Variants in ZNF687 observed in about 807,000 individuals in gnomAD.
ZNF687 encodes the protein zinc finger protein 687.
In ZNF687, 13 loss-of-function variants were observed where a neutral mutation model predicts 71.8. The ratio of observed to expected loss-of-function variants is 0.18; its 90% CI spans 0.12 to 0.29. The LOEUF is 0.29. Among genes scored for constraint, ZNF687 ranks in the 10% least tolerant of loss-of-function variants. The pLI is 1.00. For synonymous variants in ZNF687, 673 were observed against 641.6 expected, an observed-to-expected ratio of 1.05 and a Z score of -0.74; for missense variants, 1,412 against 1,625.6, an observed-to-expected ratio of 0.87 and a Z score of 2.26.
At chr1:151,285,554 C>T (rs1178447634) in intron 1 of ZNF687, 2 of 152,294 alleles carry the variant, frequency 1.3e-5, no homozygotes, top group Admixed American at 1.3e-4. Flanking sequence ...GCTGGGACTA[C>T]AGGTGTGTGC....
Position 151,289,730 on chromosome 1 carries a change from G to T in ZNF687, c.2687G>T (p.Gly896Val). 1 of 1,559,526 alleles carries T rather than the reference G, an allele frequency of 6.4e-7. No individual in the cohort carries two copies. Among genetic ancestry groups the T allele is most frequent in the Non-Finnish European group, 8.7e-7 (1 of 1,151,080 alleles). Residue 896 changes from glycine (G) to valine (V), a missense_variant, in exon 6 of 9, where the codon GGT becomes GTT. Around this residue, in one of 8 missense-constraint regions of ZNF687, gnomAD observed 135 missense variants for 104.1 expected, o/e 1.30. Transcript: ENST00000336715. ...GAGACTGCTGGGAAAGGGGCCGGGGGTGCCCTGCTGACCCCCAAGACTGAG... is the reference window on the plus strand; with the variant it reads ...GAGACTGCTGGGAAAGGGGCCGGGGTTGCCCTGCTGACCCCCAAGACTGAG... ...LEETAGKGAG[G>V]ALLTPKTEPE...
chr1:151,282,514 G>T lies in ZNF687; in HGVS notation c.-18+119G>T, dbSNP rs78053585. On this transcript the variant is annotated intron_variant, in intron 1 of 8. Transcript: ENST00000336715. ...CCCCTTCTCCGCGCCGCCCCCTGGGGCGGCTTCTAGGAAGGCCCAGACACC... is the reference window on the plus strand; with the variant it reads ...CCCCTTCTCCGCGCCGCCCCCTGGGTCGGCTTCTAGGAAGGCCCAGACACC... 267 of 770,770 alleles carry T rather than the reference G, an allele frequency of 3.5e-4. 2 individuals carry two copies. The African/African-American group carries it at 4.6e-3, about 13-fold the overall frequency. 47.7% of individuals were successfully genotyped at this position (770,770 alleles called of 1,614,324 possible). A position where few individuals can be genotyped will look rare whatever the true frequency, so the allele number is the denominator to read the frequency against.
In ZNF687 at chr1:151,290,252, C is replaced by T. The variant is rs1557774582; in HGVS notation, c.3077+18C>T. The T allele has an allele frequency of 6.2e-7, 1 of 1,612,914 alleles. No homozygotes were observed. Among genetic ancestry groups the T allele is most frequent in the East Asian group, 2.2e-5 (1 of 44,880 alleles). On this transcript the variant is annotated intron_variant, in intron 7 of 8. Coordinates refer to ENST00000336715, the MANE Select transcript of ZNF687 (RefSeq NM_020832.3). Reference sequence around the variant, plus strand: ...CCCTGCAGGTAAGTCTTGCTCCCCGCTTCCTCTTCCTGCCCAGCACGTGAC... The same window carrying T: ...CCCTGCAGGTAAGTCTTGCTCCCCGTTTCCTCTTCCTGCCCAGCACGTGAC...
rs781344321 is a variant in ZNF687 at position 151,291,253 on chromosome 1, G to A, written c.*44G>A. 9 of 1,547,150 alleles carry A rather than the reference G, an allele frequency of 5.8e-6. No individual in the cohort carries two copies. In the Admixed American group the frequency reaches 1.8e-4, roughly 31 times the overall value. On this transcript the variant is annotated 3_prime_UTR_variant, in exon 9 of 9. Coordinates refer to ENST00000336715, the MANE Select transcript of ZNF687 (RefSeq NM_020832.3). ...GACCAGCCCCTTCCTCTTGGAGCCT[G>A]GTTTTCCCTACTGCTGCCTGATCCC...
chr1:151,291,506 G>GGACTT lies in ZNF687; in HGVS notation c.*298_*302dup. ...GTGTGGGCCTGGGGGTGGGAGGATG[G>GGACTT]GACTTAGGTATGCCTGCTAGACAGG... On this transcript the variant is annotated 3_prime_UTR_variant, in exon 9 of 9. Transcript: ENST00000336715. 2.8e-6 allele frequency: 1 copy of GGACTT among 355,706 alleles called. No individual in the cohort carries two copies. The highest frequency in any genetic ancestry group is 6.1e-5 in the East Asian group (1 of 16,374). The allele number at this position is 355,706 out of a possible 1,614,324, so 22.0% of individuals were successfully genotyped here.
chr1:151,291,465 T>A lies in ZNF687; in HGVS notation c.*256T>A. ...CCAACACTAATTAATTTTATGCTCCTGCTGCAGAACCCCCAGTGTGGGCCT... is the reference window on the plus strand; with the variant it reads ...CCAACACTAATTAATTTTATGCTCCAGCTGCAGAACCCCCAGTGTGGGCCT... On this transcript the variant is annotated 3_prime_UTR_variant, in exon 9 of 9. Coordinates refer to ENST00000336715, the MANE Select transcript of ZNF687 (RefSeq NM_020832.3). 1 of 428,588 alleles carries A rather than the reference T, an allele frequency of 2.3e-6. No homozygotes were observed. Among genetic ancestry groups the A allele is most frequent in the East Asian group, 4.4e-5 (1 of 22,812 alleles). 26.5% of individuals were successfully genotyped at this position (428,588 alleles called of 1,614,324 possible).
chr1:151,287,975 A>T lies in ZNF687; in HGVS notation c.1684A>T (p.Thr562Ser). 1 of 1,613,884 alleles carries T rather than the reference A, an allele frequency of 6.2e-7. No homozygotes were observed. Among genetic ancestry groups the T allele is most frequent in the Non-Finnish European group, 8.5e-7 (1 of 1,180,028 alleles). Residue 562 changes from threonine (T) to serine (S), a missense_variant, in exon 2 of 9, where the codon ACC (threonine) becomes TCC (serine). By Grantham distance (58) the Thr-to-Ser change is moderately conservative. Coordinates refer to ENST00000336715, the MANE Select transcript of ZNF687 (RefSeq NM_020832.3). The surrounding 1 kb of genome is among the most constrained non-coding windows in gnomAD (Gnocchi z 5.0). ...CCGTCGGAGCATGCGCATCGAGGTC[A>T]CCTGCAACCACTGCGCCCGCCGCCT... ...YDRRSMRIEVTCNHCARRLVF... is the reference protein window; with the variant it reads ...YDRRSMRIEVSCNHCARRLVF...
rs1276558307 is a variant in ZNF687 at position 151,291,545 on chromosome 1, T to C, written c.*336T>C. On this transcript the variant is annotated 3_prime_UTR_variant, in exon 9 of 9. Coordinates refer to ENST00000336715, the MANE Select transcript of ZNF687 (RefSeq NM_020832.3). ...CTGCTAGACAGGTTCAGGGAAGGAC[T>C]GATGGGGGTGTCATGGATGGACACA... The C allele has an allele frequency of 8.6e-6, 2 of 233,612 alleles. No homozygotes were observed. The highest frequency in any genetic ancestry group is 2.3e-5 in the African/African-American group (1 of 43,740). The allele number at this position is 233,612 out of a possible 1,614,324, so 14.5% of individuals were successfully genotyped here.
intron 8 of ZNF687, 65 bp from the exon 9 acceptor site, chr1:151,290,650 G>A (rs749940324): frequency 5.7e-6 from 9 of 1,578,706 alleles, no homozygotes; most frequent in Admixed American, 5.3e-5. Context: ...CTCAGGAAGC[G>A]AGCATGGGGG....
chr1:151,282,061 G>T (rs1019679667), upstream of ZNF687: 2 of 1,284,708 alleles, frequency 1.6e-6, no homozygotes, highest in Admixed American at 2.4e-5. Context: ...ACGGACCCCG[G>T]CGCAGCCAAT....
rs139589523 is a variant in ZNF687 at position 151,290,955 on chromosome 1, C to T, written c.3460C>T (p.Arg1154Cys). The change falls in exon 9 of 9, where the codon CGT (arginine) becomes TGT (cysteine). Residue 1154 changes from arginine (R) to cysteine (C), a missense_variant. Physicochemically the swap from Arg to Cys is radical, Grantham distance 180. This residue lies in a region of ZNF687 where 284 missense variants were observed against 359.2 expected (regional missense o/e 0.79). Transcript: ENST00000336715. ...FASPGSLSRHRFISHKKRRGV... is the reference protein window; with the variant it reads ...FASPGSLSRHCFISHKKRRGV... ...CTCCCCTGGCTCCCTGAGCCGACACCGTTTCATCAGCCACAAGAAGAGACG... is the reference window on the plus strand; with the variant it reads ...CTCCCCTGGCTCCCTGAGCCGACACTGTTTCATCAGCCACAAGAAGAGACG... 8.7e-6 allele frequency: 14 copies of T among 1,613,754 alleles called. No individual in the cohort carries two copies. The highest frequency in any genetic ancestry group is 4.5e-5 in the East Asian group (2 of 44,892).
intron 1 of ZNF687, chr1:151,284,213 G>C: frequency 1.0e-6 from 1 of 985,346 alleles, no homozygotes; most frequent in Non-Finnish European, 1.2e-6. Context: ...TGATGGGTGA[G>C]GGTTGAGGGA....
chr1:151,284,706 C>T (rs992915982), intron 1 of ZNF687, among the ~76,000 whole-genome samples: 5 of 150,840 alleles, frequency 3.3e-5, no homozygotes, highest in South Asian at 2.1e-4. Context: ...AATAGTAAAT[C>T]GTATTCTTGG....
chr1:151,288,863 C>T (rs1191773652), intron 3 of ZNF687, among the ~76,000 whole-genome samples, 157 bp downstream of exon 3: 1 of 152,206 alleles, frequency 6.6e-6, no homozygotes, highest in African/African-American at 2.4e-5. Flanking sequence ...GCCTTCCCGT[C>T]GTCCCCCATG....
In ZNF687 at chr1:151,287,303, T is replaced by G. The variant is rs1693994856; in HGVS notation, c.1012T>G (p.Ser338Ala). ...GGTGCGGATCAAGACCATTAAAACATCCTGCGGGAATATCACAAGGACTGT... is the reference window on the plus strand; with the variant it reads ...GGTGCGGATCAAGACCATTAAAACAGCCTGCGGGAATATCACAAGGACTGT... ...LKVRIKTIKT[S>A]CGNITRTVTQ... is the part of the protein sequence containing the mutation. The change falls in exon 2 of 9, where the codon TCC becomes GCC. Residue 338 changes from serine to alanine, a missense_variant. Ser to Ala is a moderately conservative substitution (Grantham distance 99). Transcript: ENST00000336715. This position sits in a 1 kb window ranked among gnomAD's most constrained non-coding sequence, Gnocchi z 5.0. The G allele has an allele frequency of 6.2e-7, 1 of 1,614,160 alleles. No individual in the cohort carries two copies. The highest frequency in any genetic ancestry group is 8.5e-7 in the Non-Finnish European group (1 of 1,180,020).
At chr1:151,282,434 C>T in intron 1 of ZNF687, 39 bp downstream of exon 1, 1 of 985,644 alleles carries the variant, frequency 1.0e-6, no homozygotes, top group Non-Finnish European at 1.2e-6. Flanking sequence ...CTTGGCTCCG[C>T]CCCCTTGGGG....
rs1470179436 is a variant in ZNF687 at position 151,286,587 on chromosome 1, C to A, written c.296C>A (p.Ala99Asp). 1 of 1,614,196 alleles carries A rather than the reference C, an allele frequency of 6.2e-7. No homozygotes were observed. Among genetic ancestry groups the A allele is most frequent in the Non-Finnish European group, 8.5e-7 (1 of 1,180,022 alleles). ...TVCPEQSEAL[A>D]GGSAGDGAQA... is the part of the protein sequence containing the mutation. Reference sequence around the variant, plus strand: ...TGTCCCGAGCAGTCTGAGGCCCTGGCTGGAGGCTCAGCAGGAGACGGGGCC... The same window carrying A: ...TGTCCCGAGCAGTCTGAGGCCCTGGATGGAGGCTCAGCAGGAGACGGGGCC... The change falls in exon 2 of 9, where the codon GCT (alanine) becomes GAT (aspartate). Residue 99 changes from alanine to aspartate, a missense_variant. Physicochemically the swap from Ala to Asp is moderately radical, Grantham distance 126. Around this residue, in one of 8 missense-constraint regions of ZNF687, gnomAD observed 490 missense variants for 489.9 expected, o/e 1.00. Coordinates refer to ENST00000336715, the MANE Select transcript of ZNF687 (RefSeq NM_020832.3).
At chr1:151,283,062 A>G in intron 1 of ZNF687, 3 of 979,048 alleles carry the variant, frequency 3.1e-6, no homozygotes, top group Non-Finnish European at 3.6e-6. Context: ...GCAGCTCCCA[A>G]AGGGCCTGGC....
In ZNF687 at chr1:151,289,877, G is replaced by C; in HGVS notation, c.2834G>C (p.Arg945Pro). The stretch of plus-strand genomic sequence containing the variant: ...CCCCCCCGTCCAGCCAAACGGCCTC[G>C]GCGGGAACTAGGGAGCAAAGGCCTC... Reference protein sequence around the residue: ...PEPPRPAKRPRRELGSKGLKG... With the variant: ...PEPPRPAKRPPRELGSKGLKG... The change falls in exon 6 of 9, where the codon CGG (arginine) becomes CCG (proline). Residue 945 changes from arginine (R) to proline (P), a missense_variant. Transcript: ENST00000336715. The C allele has an allele frequency of 6.4e-7, 1 of 1,563,512 alleles. No individual in the cohort carries two copies. Among genetic ancestry groups the C allele is most frequent in the Non-Finnish European group, 8.7e-7 (1 of 1,153,252 alleles).
Sources: gnomAD v4.1 joint callset for allele counts (sites outside exome capture counted in the v4.1 genomes callset) on GRCh38, gnomAD v4.1.1 for gene constraint, gnomAD v4.1.1 regional missense constraint, Gnocchi (gnomAD v3.1) non-coding constraint, MANE v1.5 for transcripts, NCBI Gene and HGNC (gene_info 2026-07-23, HGNC 2026-07-21) for gene names.